Variants in RPS3 observed in about 807,000 individuals in gnomAD.
The protein encoded by RPS3 is ribosomal protein S3, also known as small ribosomal subunit protein uS3.
A neutral mutation model predicts 25.8 loss-of-function variants in RPS3; 2 were observed. The observed-to-expected ratio is 0.08, with a 90% CI of 0.03 to 0.24. The LOEUF (loss-of-function observed/expected upper bound fraction) is 0.24. RPS3 is among the 10% of genes least tolerant of loss of function. The pLI is 1.00. For synonymous variants in RPS3, 114 were observed against 114.2 expected (o/e 1.00, Z 0.01); for missense variants, 107 against 307.1 (o/e 0.35, Z 4.87).
intron 6 of RPS3, among the ~76,000 whole-genome samples, chr11:75,418,626 A>T (rs984988842): frequency 2.3e-4 from 35 of 152,232 alleles, no homozygotes; most frequent in African/African-American, 7.0e-4. Flanking sequence ...TTAAAAAAAA[A>T]TTTTAGAATG....
downstream of RPS3, among the ~76,000 whole-genome samples, chr11:75,410,906 T>G (rs1334715462): frequency 6.6e-6 from 1 of 152,136 alleles, no homozygotes; most frequent in Non-Finnish European, 1.5e-5. Flanking sequence ...TGAGACAGTC[T>G]CGCTCTGTCA....
intron 6 of RPS3, 140 bp from the exon 7 acceptor site, chr11:75,405,474 T>C: frequency 3.0e-6 from 1 of 329,156 alleles, no homozygotes; most frequent in Admixed American, 4.2e-5. Flanking sequence ...TTTTTTTTTA[T>C]ATGAAAAAGG....
In RPS3 at chr11:75,404,968, T is replaced by C; in HGVS notation, c.*3+100T>C. ...CACATTCTGGTAAGCGTTTGGTGAATAAAAATTTCATTTATTTGCTTTATG... is the reference window on the plus strand; with the variant it reads ...CACATTCTGGTAAGCGTTTGGTGAACAAAAATTTCATTTATTTGCTTTATG... On this transcript the variant is annotated intron_variant, in intron 6 of 6. Coordinates refer to ENST00000531188, the MANE Select transcript of RPS3 (RefSeq NM_001005.5). The surrounding 1 kb of genome is among the most constrained non-coding windows in gnomAD (Gnocchi z 4.6). 1.2e-6 allele frequency: 1 copy of C among 804,332 alleles called. No homozygotes were observed. The highest frequency in any genetic ancestry group is 1.9e-6 in the Non-Finnish European group (1 of 531,438). 49.8% of individuals were successfully genotyped at this position (804,332 alleles called of 1,614,324 possible). A position where few individuals can be genotyped will look rare whatever the true frequency, so the allele number is the denominator to read the frequency against.
intron 3 of RPS3, 122 bp downstream of exon 3, chr11:75,401,855 C>G (rs901316895): frequency 3.0e-6 from 2 of 658,298 alleles, no homozygotes; most frequent in Non-Finnish European, 2.7e-6. Context: ...TGTTGAAATT[C>G]TCTTAATGAA....
intron 6 of RPS3, among the ~76,000 whole-genome samples, chr11:75,419,343 CAGGAGTTTGAGACT>C (rs1165285295): frequency 6.6e-6 from 1 of 152,046 alleles, no homozygotes; most frequent in East Asian, 1.9e-4. Flanking sequence ...CACCTGAGGT[CAGGAGTTTGAGACT>C]AGCCTGACCA....
rs1592023769 is a variant in RPS3 at position 75,404,134 on chromosome 11, C to T, written c.465C>T (p.Gly155=). The change falls in exon 5 of 7, where the codon GGC becomes GGT. Residue 155 remains glycine, a synonymous_variant. Transcript: ENST00000531188. This position sits in a 1 kb window ranked among gnomAD's most constrained non-coding sequence, Gnocchi z 4.6. ...QRAKSMKFVD[G]LMIHSGDPVN... ...CTAAATCCATGAAGTTTGTGGATGG[C>T]CTGATGATCCACAGCGGAGACCCTG... The T allele has an allele frequency of 6.2e-7, 1 of 1,613,990 alleles. No individual in the cohort carries two copies. Among genetic ancestry groups the T allele is most frequent in the Non-Finnish European group, 8.5e-7 (1 of 1,179,948 alleles).
chr11:75,404,621 T>TG lies in RPS3; in HGVS notation c.539-46dup. ...GCTTGCTCTCTTTGGTCTTGTGTGA[T>TG]GGGGGCCTTTGAGACCCCAGCTGTG... On this transcript the variant is annotated intron_variant, in intron 5 of 6. Transcript: ENST00000531188. This position sits in a 1 kb window ranked among gnomAD's most constrained non-coding sequence, Gnocchi z 4.6. 2 of 1,548,846 alleles carry TG rather than the reference T, an allele frequency of 1.3e-6. No homozygotes were observed. Among genetic ancestry groups the TG allele is most frequent in the Non-Finnish European group, 1.8e-6 (2 of 1,124,134 alleles).
intron 1 of RPS3, 190 bp from the exon 2 acceptor site, chr11:75,400,504 C>T (rs1162954678): frequency 2.5e-6 from 2 of 807,894 alleles, no homozygotes; most frequent in Non-Finnish European, 4.1e-6. Flanking sequence ...GAAGTAATTT[C>T]CTAAAGATGA....
rs375851508 is a variant in RPS3, at chr11:75,404,882, G to A, written c.*3+14G>A. The A allele has an allele frequency of 2.6e-6, 4 of 1,554,596 alleles. No individual in the cohort carries two copies. Among genetic ancestry groups the A allele is most frequent in the African/African-American group, 1.4e-5 (1 of 72,968 alleles). Reference sequence around the variant, plus strand: ...ACAGCATAACAGGTATGTCTGCAAGGGCAGGGGCCTCTTGGGGCATAATAG... The same window carrying A: ...ACAGCATAACAGGTATGTCTGCAAGAGCAGGGGCCTCTTGGGGCATAATAG... On this transcript the variant is annotated intron_variant, in intron 6 of 6. Coordinates refer to ENST00000531188, the MANE Select transcript of RPS3 (RefSeq NM_001005.5). This position sits in a 1 kb window ranked among gnomAD's most constrained non-coding sequence, Gnocchi z 4.6.
Position 75,404,924 on chromosome 11 carries a change from T to C in RPS3, c.*3+56T>C, listed in dbSNP as rs1827479139. 1 of 1,197,948 alleles carries C rather than the reference T, an allele frequency of 8.3e-7. No individual in the cohort carries two copies. The highest frequency in any genetic ancestry group is 1.2e-6 in the Non-Finnish European group (1 of 855,880). 74.2% of individuals were successfully genotyped at this position (1,197,948 alleles called of 1,614,324 possible). On this transcript the variant is annotated intron_variant, in intron 6 of 6. Transcript: ENST00000531188. The surrounding 1 kb of genome is among the most constrained non-coding windows in gnomAD (Gnocchi z 4.6). Reference sequence around the variant, plus strand: ...GCATAATAGGGTCCTTCCGAGTCTTTCTGTTAATACTTGTATCCCACATTC... The same window carrying C: ...GCATAATAGGGTCCTTCCGAGTCTTCCTGTTAATACTTGTATCCCACATTC...
intron 6 of RPS3, chr11:75,405,099 A>G (rs1052040553): frequency 3.4e-5 from 13 of 385,044 alleles, no homozygotes; most frequent in Non-Finnish European, 5.1e-5. Context: ...TTACTCGTGT[A>G]TATGAAATAG....
rs1311632205 is a variant in RPS3, at chr11:75,399,539, G to A, written c.-9G>A. 3.7e-6 allele frequency: 6 copies of A among 1,613,824 alleles called. No homozygotes were observed. The highest frequency in any genetic ancestry group is 1.7e-5 in the Admixed American group (1 of 59,994). The stretch of plus-strand genomic sequence containing the variant: ...ACTTCCTTTCCTTTCAGCGGAGCGC[G>A]GCGGCAAGATGGCAGTGCAAATATC... On this transcript the variant is annotated 5_prime_UTR_variant, in exon 1 of 7. Transcript: ENST00000531188.
rs893820631 is a variant in RPS3 at position 75,404,581 on chromosome 11, G to A, written c.539-91G>A. 8.0e-7 allele frequency: 1 copy of A among 1,256,838 alleles called. No individual in the cohort carries two copies. The highest frequency in any genetic ancestry group is 1.2e-6 in the Non-Finnish European group (1 of 855,742). 77.9% of individuals were successfully genotyped at this position (1,256,838 alleles called of 1,614,324 possible). On this transcript the variant is annotated intron_variant, in intron 5 of 6. Transcript: ENST00000531188. The surrounding 1 kb of genome is among the most constrained non-coding windows in gnomAD (Gnocchi z 4.6). Reference sequence around the variant, plus strand: ...GTCTGAGAAGGGTCCAGACCCAGGGGTGCTTGAGTAAACTGCTTGCTCTCT... The same window carrying A: ...GTCTGAGAAGGGTCCAGACCCAGGGATGCTTGAGTAAACTGCTTGCTCTCT...
At chr11:75,400,186 C>T (rs952101608) in intron 1 of RPS3, among the ~76,000 whole-genome samples, 4 of 152,208 alleles carry the variant, frequency 2.6e-5, no homozygotes, top group Admixed American at 6.5e-5. Flanking sequence ...TAGGATTTGC[C>T]AGCTCTGTTG....
chr11:75,400,603 G>C, intron 1 of RPS3, 91 bp from the exon 2 acceptor site: 1 of 1,559,830 alleles, frequency 6.4e-7, no homozygotes, highest in Non-Finnish European at 8.8e-7. Context: ...GTTTTGGTGA[G>C]GGATGCATTG....
rs553591383 is a variant in RPS3, at chr11:75,405,778, G to A, written c.*168G>A. On this transcript the variant is annotated 3_prime_UTR_variant, in exon 7 of 7. Transcript: ENST00000531188. ...TATCTTCTTGGTTTTAACCATACTT[G>A]TGGTATTTGCAAGGGCCAGAACAGT... The A allele has an allele frequency of 2.6e-6, 1 of 391,902 alleles. No homozygotes were observed. Among genetic ancestry groups the A allele is most frequent in the East Asian group, 7.5e-5 (1 of 13,422 alleles). The allele number at this position is 391,902 out of a possible 1,614,324, so 24.3% of individuals were successfully genotyped here. A position where few individuals can be genotyped will look rare whatever the true frequency, so the allele number is the denominator to read the frequency against.
chr11:75,402,169 CA>C, intron 3 of RPS3, 182 bp from the exon 4 acceptor site: 1 of 857,344 alleles, frequency 1.2e-6, no homozygotes. Flanking sequence ...ACTGGTAGCG[CA>C]AAAAATCACG....
intron 3 of RPS3, 94 bp downstream of exon 3, chr11:75,401,827 C>T: frequency 2.6e-6 from 2 of 766,584 alleles, no homozygotes; most frequent in Non-Finnish European, 4.7e-6. Context: ...TTGTTCATTA[C>T]AAATGGACTG....
chr11:75,400,643 AGT>A, intron 1 of RPS3, 49 bp from the exon 2 acceptor site: 1 of 1,600,024 alleles, frequency 6.2e-7, no homozygotes, highest in South Asian at 1.1e-5. Flanking sequence ...CTCAGGCGAA[AGT>A]GAGCCTACAC....
Sources: gnomAD v4.1 joint callset for allele counts (sites outside exome capture counted in the v4.1 genomes callset) on GRCh38, gnomAD v4.1.1 for gene constraint, Gnocchi (gnomAD v3.1) non-coding constraint, MANE v1.5 for transcripts, NCBI Gene and HGNC (gene_info 2026-07-23, HGNC 2026-07-21) for gene names.